The following SETD5 variants were observed in gnomAD, a reference collection of about 807,000 sequenced individuals.
The protein encoded by SETD5 is SET domain containing 5, also known as histone-lysine N-methyltransferase SETD5.
Under a neutral mutation model 153.3 loss-of-function variants are expected in SETD5, and 44 were observed. The ratio of observed to expected loss-of-function variants is 0.29; its 90% confidence interval spans 0.23 to 0.37. SETD5 has a LOEUF of 0.37. Among genes scored for constraint, SETD5 ranks in the 10% least tolerant of loss-of-function variants. The pLI is 1.00. For synonymous variants in SETD5, 716 were observed against 645.2 expected (o/e 1.11, Z -1.66); for missense variants, 1,544 against 1,768.0 (o/e 0.87, Z 2.27).
intron 1 of SETD5, among the ~76,000 whole-genome samples, chr3:9,415,726 A>G (rs2037315884): frequency 6.6e-6 from 1 of 151,936 alleles, no homozygotes; most frequent in Non-Finnish European, 1.5e-5. Flanking sequence ...AATAGCTTGG[A>G]CTACAGGTAT....
At position 9,435,063 on chromosome 3, in the gene SETD5, G is replaced by A. The variant is rs535027369; in HGVS notation, c.388+181G>A. ...AGTTTGAGACCAGCCTGACCAACAT[G>A]GAGAAACCCCATCTCTACTGAAAAT... On this transcript the variant is annotated intron_variant, in intron 6 of 22. Transcript: ENST00000402198. Among the ~76,000 whole-genome samples the A allele has an allele frequency of 1.1e-4, 16 of 152,156 alleles. No individual in the cohort carries two copies. In the South Asian group the frequency reaches 3.3e-3, roughly 32 times the overall value.
intron 22 of SETD5, 147 bp from the exon 23 acceptor site, chr3:9,475,336 A>G (rs2045750570): frequency 8.0e-7 from 1 of 1,248,532 alleles, no homozygotes; most frequent in Non-Finnish European, 1.1e-6. Context: ...ACGGTGATCA[A>G]AGACAGACAT....
intron 17 of SETD5, among the ~76,000 whole-genome samples, chr3:9,462,252 C>T (rs977892035): frequency 1.3e-5 from 2 of 152,156 alleles, no homozygotes; most frequent in African/African-American, 2.4e-5. Context: ...TCCTTCCATC[C>T]ACCAAGCCTT....
At chr3:9,456,458 G>A (rs4079402) in intron 17 of SETD5, among the ~76,000 whole-genome samples, 5,233 of 149,094 alleles carry the variant, frequency 0.035, 344 homozygotes, top group African/African-American at 0.12. Context: ...GGGTGACGGA[G>A]GGAGATTCTG....
chr3:9,411,725 G>A (rs903486757), intron 1 of SETD5, among the ~76,000 whole-genome samples: 57 of 152,294 alleles, frequency 3.7e-4, no homozygotes, highest in African/African-American at 1.4e-3. Context: ...TTTGGAAGTG[G>A]TTATTGTTAC....
In SETD5 at chr3:9,428,998, T is replaced by G. The variant is rs1472674338; in HGVS notation, c.60T>G (p.Ala20=). 1 of 1,612,626 alleles carries G rather than the reference T, an allele frequency of 6.2e-7. No individual in the cohort carries two copies. Among genetic ancestry groups the G allele is most frequent in the South Asian group, 1.1e-5 (1 of 90,848 alleles). ...TTSDTSYSDM[A]AGSDPESVEA... ...CAGATACATCCTACTCAGATATGGC[T>G]GCTGGATCAGAGTAAGTGCTACTTT... The change falls in exon 3 of 23, where the codon GCT becomes GCG. Residue 20 remains alanine, a synonymous_variant. Transcript: ENST00000402198.
intron 8 of SETD5, 125 bp downstream of exon 8, chr3:9,440,823 G>A (rs562569662): frequency 7.9e-7 from 1 of 1,260,584 alleles, no homozygotes; most frequent in East Asian, 2.5e-5. Context: ...GATTAGCCAG[G>A]TGTTGATCAT....
Position 9,445,734 on chromosome 3 carries a change from C to A in SETD5, c.1518C>A (p.Ser506Arg). ...ATGACCAGGAGAACCTAGCTCATAGCAGGAGGGTGAGTACTGTCTGACATT... is the reference window on the plus strand; with the variant it reads ...ATGACCAGGAGAACCTAGCTCATAGAAGGAGGGTGAGTACTGTCTGACATT... ...VIDDQENLAH[S>R]RRTREDRKVE... The change falls in exon 13 of 23, where the codon AGC becomes AGA. Residue 506 changes from serine (S) to arginine (R), a missense_variant. Ser to Arg is a moderately radical substitution (Grantham distance 110). This residue lies in a region of SETD5 where 782 missense variants were observed against 787.2 expected (regional missense o/e 0.99). Coordinates refer to ENST00000402198, the MANE Select transcript of SETD5 (RefSeq NM_001080517.3). The A allele has an allele frequency of 6.2e-7, 1 of 1,611,254 alleles. No individual in the cohort carries two copies. Among genetic ancestry groups the A allele is most frequent in the Middle Eastern group, 1.7e-4 (1 of 6,040 alleles).
At chr3:9,440,269 T>C (rs2041111091) in intron 7 of SETD5, among the ~76,000 whole-genome samples, 187 bp from the exon 8 acceptor site, 1 of 152,202 alleles carries the variant, frequency 6.6e-6, no homozygotes, top group African/African-American at 2.4e-5. Flanking sequence ...ATTCAAGGTC[T>C]CACCTCTCAT....
chr3:9,432,315 A>T, intron 3 of SETD5: 1 of 984,942 alleles, frequency 1.0e-6, no homozygotes, highest in Non-Finnish European at 1.2e-6. Flanking sequence ...GTTTTGGAGC[A>T]TATAACTGGG....
chr3:9,418,095 C>T (rs1463911202), intron 1 of SETD5, among the ~76,000 whole-genome samples: 2 of 151,564 alleles, frequency 1.3e-5, no homozygotes, highest in Non-Finnish European at 2.9e-5. Context: ...CGCCTGCCAC[C>T]GCTCCCGGCT....
Position 9,447,939 on chromosome 3 carries a change from C to T in SETD5, c.2036C>T (p.Pro679Leu). The T allele has an allele frequency of 1.2e-6, 2 of 1,613,924 alleles. No individual in the cohort carries two copies. The highest frequency in any genetic ancestry group is 1.7e-6 in the Non-Finnish European group (2 of 1,179,860). ...AACAGGCCATTAACAGGGTCTGACCCAACTGTGGTGTCAATTACTGGATCC... is the reference window on the plus strand; with the variant it reads ...AACAGGCCATTAACAGGGTCTGACCTAACTGTGGTGTCAATTACTGGATCC... ...GENRPLTGSDPTVVSITGSHV... is the reference protein window; with the variant it reads ...GENRPLTGSDLTVVSITGSHV... Residue 679 changes from proline to leucine, a missense_variant, in exon 15 of 23, where the codon CCA (proline) becomes CTA (leucine). Pro to Leu is a moderately conservative substitution (Grantham distance 98, BLOSUM62 -3). Around this residue, in one of 9 missense-constraint regions of SETD5, gnomAD observed 782 missense variants for 787.2 expected, o/e 0.99. Transcript: ENST00000402198.
intron 15 of SETD5, 105 bp downstream of exon 15, chr3:9,448,111 A>C: frequency 7.7e-7 from 1 of 1,294,748 alleles, no homozygotes; most frequent in Non-Finnish European, 1.0e-6. Flanking sequence ...ATATTACTAG[A>C]TTGAAAGTTC....
chr3:9,419,941 A>T (rs571537103), intron 1 of SETD5, among the ~76,000 whole-genome samples: 6 of 152,042 alleles, frequency 3.9e-5, no homozygotes, highest in Non-Finnish European at 8.8e-5. Context: ...TTCCTACTCT[A>T]CTTTGGTACA....
intron 2 of SETD5, among the ~76,000 whole-genome samples, chr3:9,427,542 CTG>C (rs1444345217): frequency 6.6e-6 from 1 of 152,172 alleles, no homozygotes; most frequent in African/African-American, 2.4e-5. Context: ...AAAAGTGAAA[CTG>C]TCTCAAAAAA....
chr3:9,466,672 G>A (rs73811490), intron 18 of SETD5, among the ~76,000 whole-genome samples: 2 of 152,106 alleles, frequency 1.3e-5, no homozygotes, highest in African/African-American at 4.8e-5. Flanking sequence ...GAGGTGGGGA[G>A]CCTTTTTTGT....
At chr3:9,462,010 T>G (rs2125463788) in intron 17 of SETD5, among the ~76,000 whole-genome samples, 1 of 152,362 alleles carries the variant, frequency 6.6e-6, no homozygotes, top group East Asian at 1.9e-4. Context: ...CTAGGAATAT[T>G]AAAAATCCTG....
intron 11 of SETD5, 92 bp downstream of exon 11, chr3:9,443,509 T>A: frequency 1.2e-5 from 8 of 640,182 alleles, no homozygotes; most frequent in Non-Finnish European, 1.8e-5. Flanking sequence ...GTTTCTTGCC[T>A]TTTCCTTTGT....
At chr3:9,443,182 A>T in intron 10 of SETD5, 126 bp from the exon 11 acceptor site, 1 of 706,322 alleles carries the variant, frequency 1.4e-6, no homozygotes, top group Non-Finnish European at 2.4e-6. Context: ...ATAACAGATT[A>T]CCATAACTCC....
Sources: gnomAD v4.1 joint callset for allele counts (sites outside exome capture counted in the v4.1 genomes callset) on GRCh38, gnomAD v4.1.1 for gene constraint, gnomAD v4.1.1 regional missense constraint, MANE v1.5 for transcripts, NCBI Gene and HGNC (gene_info 2026-07-23, HGNC 2026-07-21) for gene names.